Variants in C5orf34 observed in about 807,000 individuals in gnomAD.
The protein encoded by C5orf34 is uncharacterized protein C5orf34.
Under a neutral mutation model 78.4 loss-of-function variants are expected in C5orf34, and 73 were observed. The ratio of observed to expected loss-of-function variants is 0.93; its 90% CI spans 0.77 to 1.13. C5orf34 has a LOEUF of 1.13. Ranked by LOEUF, C5orf34 falls within the 50% of genes most tolerant of loss-of-function variation. C5orf34 has a pLI of 0.00. For synonymous variants in C5orf34, 251 were observed against 246.6 expected (o/e 1.02, Z -0.17); for missense variants, 730 against 732.7 (o/e 1.00, Z 0.04).
In C5orf34 at chr5:43,507,286, C is replaced by G. The variant is rs150538521; in HGVS notation, c.286-892G>C. ...TGAATTAATTTTGCCAAGCATTTAG[C>G]ATTTCAATTCCATTTATGTAAAATC... is the stretch of plus-strand genomic sequence containing the variant. On this transcript the variant is annotated intron_variant, in intron 3 of 12. Transcript: ENST00000306862. 9.5e-3 allele frequency among the ~76,000 whole-genome samples: 1,450 copies of G among 152,298 alleles called. 19 individuals are homozygous for G. The highest frequency in any genetic ancestry group is 0.021 in the Admixed American group (314 of 15,296).
In C5orf34 at chr5:43,508,540, C is replaced by T. The variant is rs750817750; in HGVS notation, c.285+37G>A. On this transcript the variant is annotated intron_variant, in intron 3 of 12. Transcript: ENST00000306862. ...TTACCTGTTTCTAGTTACTTGTCCT[C>T]AAATAATACTAACAAAAATGAAGTT... 78 of 1,243,682 alleles carry T rather than the reference C, an allele frequency of 6.3e-5. No individual in the cohort carries two copies. In the South Asian group the frequency reaches 8.4e-4, roughly 13 times the overall value. The allele number at this position is 1,243,682 out of a possible 1,614,324, so 77.0% of individuals were successfully genotyped here. A position where few individuals can be genotyped will look rare whatever the true frequency, so the allele number is the denominator to read the frequency against.
intron 6 of C5orf34, chr5:43,495,494 C>G: frequency 6.2e-7 from 1 of 1,607,912 alleles, no homozygotes; most frequent in Non-Finnish European, 8.5e-7. Flanking sequence ...AACGTTGCCA[C>G]GACGAACATC....
chr5:43,511,736 C>G (rs1441307989), intron 1 of C5orf34, among the ~76,000 whole-genome samples: 1 of 152,126 alleles, frequency 6.6e-6, no homozygotes, highest in Non-Finnish European at 1.5e-5. Flanking sequence ...TACCCCCAAC[C>G]CTGTGCTCTC....
chr5:43,511,979 G>C (rs1746279796), intron 1 of C5orf34, among the ~76,000 whole-genome samples: 1 of 145,828 alleles, frequency 6.9e-6, no homozygotes, highest in Non-Finnish European at 1.5e-5. Flanking sequence ...ATTGTCCTAT[G>C]ACCCTGCCAA....
At chr5:43,508,970 T>C (rs748234768) in intron 2 of C5orf34, among the ~76,000 whole-genome samples, 175 bp downstream of exon 2, 5 of 152,204 alleles carry the variant, frequency 3.3e-5, no homozygotes, top group Non-Finnish European at 2.9e-5. Flanking sequence ...AGTGCACACC[T>C]GTAGTCCTAG....
chr5:43,495,025 T>A, intron 6 of C5orf34: 1 of 1,384,948 alleles, frequency 7.2e-7, no homozygotes, highest in Non-Finnish European at 1.0e-6. Context: ...CTGAGACCAT[T>A]CTTCCACCAC....
chr5:43,504,863 C>T (rs1013636582), intron 4 of C5orf34, among the ~76,000 whole-genome samples: 1 of 152,158 alleles, frequency 6.6e-6, no homozygotes, highest in Non-Finnish European at 1.5e-5. Context: ...CTCATTTTAA[C>T]CAGATAATCA....
chr5:43,509,062 G>A lies in C5orf34; in HGVS notation c.195+83C>T, dbSNP rs568452910. On this transcript the variant is annotated intron_variant, in intron 2 of 12. Coordinates refer to ENST00000306862, the MANE Select transcript of C5orf34 (RefSeq NM_198566.4). The stretch of plus-strand genomic sequence containing the variant: ...CGAGGCTGCAGTGAGCTATGGTAGT[G>A]CCACTGTACTCCAGCCTGGGTGACA... 16 of 1,053,034 alleles carry A rather than the reference G, an allele frequency of 1.5e-5. No individual in the cohort carries two copies. The Admixed American group carries it at 2.1e-4, about 14-fold the overall frequency. 65.2% of individuals were successfully genotyped at this position (1,053,034 alleles called of 1,614,324 possible). A position where few individuals can be genotyped will look rare whatever the true frequency, so the allele number is the denominator to read the frequency against.
intron 9 of C5orf34, 92 bp from the exon 10 acceptor site, chr5:43,492,401 G>C: frequency 1.2e-6 from 1 of 820,508 alleles, no homozygotes; most frequent in Non-Finnish European, 2.0e-6. Flanking sequence ...AAAGAAATAA[G>C]TAGAGGAATC....
chr5:43,505,671 C>T lies in C5orf34; in HGVS notation c.932+77G>A, dbSNP rs1421443634. Reference sequence around the variant, plus strand: ...GATAAACTTTCCTTGTGAATGGTATCAGATAAAAAGAAAATTATCCAGGTT... The same window carrying T: ...GATAAACTTTCCTTGTGAATGGTATTAGATAAAAAGAAAATTATCCAGGTT... On this transcript the variant is annotated intron_variant, in intron 4 of 12. Coordinates refer to ENST00000306862, the MANE Select transcript of C5orf34 (RefSeq NM_198566.4). The T allele has an allele frequency of 7.1e-6, 10 of 1,411,516 alleles. No individual in the cohort carries two copies. In the East Asian group the frequency reaches 2.4e-4, roughly 34 times the overall value. 87.4% of individuals were successfully genotyped at this position (1,411,516 alleles called of 1,614,324 possible). A position where few individuals can be genotyped will look rare whatever the true frequency, so the allele number is the denominator to read the frequency against.
chr5:43,502,389 G>C lies in C5orf34; in HGVS notation c.1135C>G (p.Gln379Glu). The change falls in exon 6 of 13, where the codon CAA becomes GAA. Residue 379 changes from glutamine to glutamate, a missense_variant. By Grantham distance (29) the Gln-to-Glu change is conservative. Transcript: ENST00000306862. Reference sequence around the variant, plus strand: ...TGGCTTACCTTTCCTGATCCTTCTTGAATAGAATAATAAGTAAAATAGTTC... The same window carrying C: ...TGGCTTACCTTTCCTGATCCTTCTTCAATAGAATAATAAGTAAAATAGTTC... ...FGNYFTYYSI[Q>E]EGSGKREEKT... 6.2e-7 allele frequency: 1 copy of C among 1,611,886 alleles called. No individual in the cohort carries two copies. The highest frequency in any genetic ancestry group is 8.5e-7 in the Non-Finnish European group (1 of 1,178,974).
In C5orf34 at chr5:43,494,517, C is replaced by A. The variant is rs375174167; in HGVS notation, c.1237G>T (p.Ala413Ser). Residue 413 changes from alanine (A) to serine (S), a missense_variant, in exon 7 of 13, where the codon GCA (alanine) becomes TCA (serine). Coordinates refer to ENST00000306862, the MANE Select transcript of C5orf34 (RefSeq NM_198566.4). ...TGAATGGGAAGAACTTACCTTGTTG[C>A]CTGTTTAATTAGAGAACCGACAGTG... is the stretch of plus-strand genomic sequence containing the variant. ...PFTVGSLIKQATRILQHCVKM... is the reference protein window; with the variant it reads ...PFTVGSLIKQSTRILQHCVKM... 6.3e-7 allele frequency: 1 copy of A among 1,598,982 alleles called. No homozygotes were observed. The highest frequency in any genetic ancestry group is 8.6e-7 in the Non-Finnish European group (1 of 1,169,122).
chr5:43,500,753 T>A (rs1392002512), intron 6 of C5orf34, among the ~76,000 whole-genome samples: 1 of 152,258 alleles, frequency 6.6e-6, no homozygotes, highest in Non-Finnish European at 1.5e-5. Context: ...ACTTTTCTTT[T>A]ATGCCTTCTG....
chr5:43,505,257 T>C (rs988976845), intron 4 of C5orf34, among the ~76,000 whole-genome samples: 6 of 152,184 alleles, frequency 3.9e-5, no homozygotes, highest in Admixed American at 2.0e-4. Context: ...CAGACGTATT[T>C]ATAGTCAGTG....
At chr5:43,502,090 C>T (rs1044729355) in intron 6 of C5orf34, among the ~76,000 whole-genome samples, 2 of 152,110 alleles carry the variant, frequency 1.3e-5, no homozygotes, top group South Asian at 2.1e-4. Flanking sequence ...AACTCAAAGT[C>T]CTGGTTTCAG....
intron 5 of C5orf34, among the ~76,000 whole-genome samples, chr5:43,502,986 T>C (rs1745826814): frequency 6.6e-6 from 1 of 152,218 alleles, no homozygotes; most frequent in African/African-American, 2.4e-5. Context: ...ACTGGGTATA[T>C]ACCAAATAGA....
chr5:43,497,023 T>A (rs1035708808), intron 6 of C5orf34, among the ~76,000 whole-genome samples: 2 of 152,298 alleles, frequency 1.3e-5, no homozygotes, highest in South Asian at 4.1e-4. Context: ...TATATAGATT[T>A]AAAAAAACTA....
intron 6 of C5orf34, chr5:43,495,287 G>A: frequency 2.5e-6 from 4 of 1,608,660 alleles, no homozygotes; most frequent in African/African-American, 2.7e-5. Context: ...CAAGAATTTA[G>A]GGCCATCTTC....
chr5:43,492,837 G>A lies in C5orf34; in HGVS notation c.1368C>T (p.Leu456=). ...CAAGAAATCTTCCCACACTGGGTAT[G>A]AGTGACTCTTTCAAAACCAAAGGCA... ...NILPLVLKES[L]IPSVGRFLAY... The change falls in exon 9 of 13, where the codon CTC becomes CTT. Residue 456 remains leucine, a synonymous_variant. Coordinates refer to ENST00000306862, the MANE Select transcript of C5orf34 (RefSeq NM_198566.4). 1 of 1,611,704 alleles carries A rather than the reference G, an allele frequency of 6.2e-7. No homozygotes were observed. Among genetic ancestry groups the A allele is most frequent in the Non-Finnish European group, 8.5e-7 (1 of 1,178,320 alleles).
Sources: gnomAD v4.1 joint callset for allele counts (sites outside exome capture counted in the v4.1 genomes callset) on GRCh38, gnomAD v4.1.1 for gene constraint, MANE v1.5 for transcripts, NCBI Gene and HGNC (gene_info 2026-07-23, HGNC 2026-07-21) for gene names.